The following RIMS4 variants were observed in gnomAD, a reference collection of about 807,000 sequenced individuals.
RIMS4 encodes the protein regulating synaptic membrane exocytosis protein 4.
Under a neutral mutation model 29.0 loss-of-function variants are expected in RIMS4, and 9 were observed. That is an observed-to-expected ratio of 0.31 (90% CI 0.19 to 0.54). The LOEUF (loss-of-function observed/expected upper bound fraction) is 0.54. Among genes scored for constraint, RIMS4 ranks in the 20% least tolerant of loss-of-function variants. The probability of loss-of-function intolerance (pLI) is 0.94; values close to 1 mark genes in which losing one functional copy is unlikely to be tolerated. For missense variants in RIMS4, 193 were observed against 365.7 expected (o/e 0.53, Z 3.85); for synonymous variants, 130 against 152.9 (o/e 0.85, Z 1.10).
intron 1 of RIMS4, among the ~76,000 whole-genome samples, chr20:44,804,320 G>A (rs977951971): frequency 3.9e-5 from 6 of 152,214 alleles, no homozygotes; most frequent in African/African-American, 1.4e-4. Context: ...ATGAGGCTCA[G>A]GAAGGTTAAG....
chr20:44,774,399 A>G (rs954992869), intron 1 of RIMS4, among the ~76,000 whole-genome samples: 7 of 152,086 alleles, frequency 4.6e-5, no homozygotes, highest in Non-Finnish European at 7.4e-5. Flanking sequence ...CCCACCCTCA[A>G]TCTGGGTGGC....
At chr20:44,780,686 T>C (rs2066180182) in intron 1 of RIMS4, among the ~76,000 whole-genome samples, 1 of 152,190 alleles carries the variant, frequency 6.6e-6, no homozygotes, top group South Asian at 2.1e-4. Context: ...CTGCCCATAA[T>C]TACAAAGCTG....
chr20:44,800,992 C>T (rs1434349912), intron 1 of RIMS4, among the ~76,000 whole-genome samples: 5 of 152,184 alleles, frequency 3.3e-5, no homozygotes, highest in African/African-American at 2.4e-5. Context: ...AAAGGAAAGG[C>T]GGCAGCTTCC....
chr20:44,792,587 C>T (rs949615675), intron 1 of RIMS4, among the ~76,000 whole-genome samples: 3 of 152,138 alleles, frequency 2.0e-5, no homozygotes, highest in Non-Finnish European at 2.9e-5. Context: ...CCACCGTGCC[C>T]GGCCTGAACT....
intron 1 of RIMS4, among the ~76,000 whole-genome samples, chr20:44,800,521 C>CA (rs773928135): frequency 6.6e-6 from 1 of 151,434 alleles, no homozygotes; most frequent in Non-Finnish European, 1.5e-5. Flanking sequence ...TTACCTAATC[C>CA]AAAAAAATAC....
chr20:44,807,021 G>A (rs2066301801), intron 1 of RIMS4, among the ~76,000 whole-genome samples: 1 of 152,012 alleles, frequency 6.6e-6, no homozygotes, highest in Non-Finnish European at 1.5e-5. Flanking sequence ...ACGAAACCGA[G>A]GCCACGTGTC....
chr20:44,758,007 C>T (rs1024520437), intron 3 of RIMS4, 65 bp downstream of exon 3: 21 of 1,222,060 alleles, frequency 1.7e-5, no homozygotes, highest in Admixed American at 1.2e-4. Flanking sequence ...GAGGGAGAGA[C>T]GCTGAGCTTC....
intron 2 of RIMS4, among the ~76,000 whole-genome samples, chr20:44,764,527 AGTGGGTGTCGGAAGAG>A (rs1221780511): frequency 1.6e-4 from 25 of 152,318 alleles, no homozygotes; most frequent in African/African-American, 6.0e-4. Context: ...TGCTTGTGGA[AGTGGGTGTCGGAAGAG>A]GTGCAGCCTG....
intron 2 of RIMS4, among the ~76,000 whole-genome samples, chr20:44,770,276 G>C (rs1430848198): frequency 6.6e-6 from 1 of 152,158 alleles, no homozygotes; most frequent in Admixed American, 6.5e-5. Flanking sequence ...ATGATGCAGA[G>C]TGAGCTCTTT....
intron 1 of RIMS4, among the ~76,000 whole-genome samples, chr20:44,775,015 T>C (rs946931178): frequency 6.6e-5 from 10 of 152,082 alleles, no homozygotes; most frequent in South Asian, 2.1e-4. Flanking sequence ...TAAACCATTC[T>C]CTAGTGACTG....
chr20:44,758,512 C>T (rs1049604505), intron 2 of RIMS4, among the ~76,000 whole-genome samples: 7 of 152,196 alleles, frequency 4.6e-5, no homozygotes, highest in African/African-American at 1.2e-4. Flanking sequence ...GCACTGCAAA[C>T]GGCTCTAGAC....
intron 4 of RIMS4, 111 bp from the exon 5 acceptor site, chr20:44,757,148 T>G: frequency 8.2e-7 from 1 of 1,226,328 alleles, no homozygotes; most frequent in Non-Finnish European, 1.2e-6. Context: ...TGTGCCCCCA[T>G]GGGGTCTGGG....
At chr20:44,796,555 A>C (rs1251874786) in intron 1 of RIMS4, among the ~76,000 whole-genome samples, 1 of 152,218 alleles carries the variant, frequency 6.6e-6, no homozygotes, top group Non-Finnish European at 1.5e-5. Flanking sequence ...ACAGTGTGAC[A>C]GTGAAAAAGT....
intron 3 of RIMS4, 66 bp from the exon 4 acceptor site, chr20:44,757,837 T>G: frequency 7.1e-7 from 1 of 1,402,342 alleles, no homozygotes; most frequent in Non-Finnish European, 1.0e-6. Flanking sequence ...ACTCAGCTCT[T>G]CTCCTTTACT....
chr20:44,789,724 T>A (rs1217971097), intron 1 of RIMS4, among the ~76,000 whole-genome samples: 1 of 151,982 alleles, frequency 6.6e-6, no homozygotes, highest in African/African-American at 2.4e-5. Context: ...TCTGGCTGAG[T>A]TTTATTTATT....
Position 44,756,769 on chromosome 20 carries a change from G to C in RIMS4, c.591+129C>G, listed in dbSNP as rs1568893150. On this transcript the variant is annotated intron_variant, in intron 5 of 5. Transcript: ENST00000372851. This position sits in a 1 kb window ranked among gnomAD's most constrained non-coding sequence, Gnocchi z 5.9. ...TCAGTTCAGCCACAGTGAACTGAGGGCCTCGCCTGTTTCCTCCAGGCGAGG... is the reference window on the plus strand; with the variant it reads ...TCAGTTCAGCCACAGTGAACTGAGGCCCTCGCCTGTTTCCTCCAGGCGAGG... 3 of 751,558 alleles carry C rather than the reference G, an allele frequency of 4.0e-6. No homozygotes were observed. Among genetic ancestry groups the C allele is most frequent in the Non-Finnish European group, 6.3e-6 (3 of 477,306 alleles). 46.6% of individuals were successfully genotyped at this position (751,558 alleles called of 1,614,324 possible). A position where few individuals can be genotyped will look rare whatever the true frequency, so the allele number is the denominator to read the frequency against.
intron 1 of RIMS4, among the ~76,000 whole-genome samples, chr20:44,780,309 C>T (rs1056924453): frequency 2.6e-5 from 4 of 152,126 alleles, no homozygotes; most frequent in South Asian, 2.1e-4. Flanking sequence ...CTCTAAAATG[C>T]GATTAAGTCC....
rs530864017 is a variant in RIMS4, at chr20:44,785,230, CT to C, written c.98-13818del. The stretch of plus-strand genomic sequence containing the variant: ...CCCTGGATTAAAAGCCATTCTTCTT[CT>C]TTTTTTTTTTTTTTCTTTTATAAGA... On this transcript the variant is annotated intron_variant, in intron 1 of 5. Coordinates refer to ENST00000372851, the MANE Select transcript of RIMS4 (RefSeq NM_182970.4). 2.8e-3 allele frequency among the ~76,000 whole-genome samples: 397 copies of C among 142,708 alleles called. 1 individual carries two copies. Among genetic ancestry groups the C allele is most frequent in the Admixed American group, 5.6e-3 (79 of 14,198 alleles). 93.6% of individuals were successfully genotyped at this position (142,708 alleles called of 152,430 possible). A position where few individuals can be genotyped will look rare whatever the true frequency, so the allele number is the denominator to read the frequency against.
intron 1 of RIMS4, among the ~76,000 whole-genome samples, chr20:44,807,585 GGGAGAAGA>G (rs2066304189): frequency 6.6e-6 from 1 of 152,148 alleles, no homozygotes; most frequent in South Asian, 2.1e-4. Flanking sequence ...GGGGAGGGAG[GGGAGAAGA>G]GGCAGGTAGA....
Sources: gnomAD v4.1 joint callset for allele counts (sites outside exome capture counted in the v4.1 genomes callset) on GRCh38, gnomAD v4.1.1 for gene constraint, Gnocchi (gnomAD v3.1) non-coding constraint, MANE v1.5 for transcripts, NCBI Gene and HGNC (gene_info 2026-07-23, HGNC 2026-07-21) for gene names.